The following TFAP2B variants were observed in gnomAD, a reference collection of about 807,000 sequenced individuals.
TFAP2B encodes transcription factor AP-2 beta.
In TFAP2B, 9 loss-of-function variants were observed where a neutral mutation model predicts 44.3. That is an observed-to-expected ratio of 0.20 (90% confidence interval 0.12 to 0.35). TFAP2B has a LOEUF of 0.35. Among genes scored for constraint, TFAP2B ranks in the 10% least tolerant of loss-of-function variants. The pLI, the probability that TFAP2B is intolerant of heterozygous loss-of-function variation, is 1.00. For missense variants in TFAP2B, 509 were observed against 600.0 expected (o/e 0.85, Z 1.59); for synonymous variants, 270 against 263.8 (o/e 1.02, Z -0.23).
chr6:50,835,913 G>A, intron 3 of TFAP2B, 148 bp from the exon 4 acceptor site: 2 of 762,954 alleles, frequency 2.6e-6, no homozygotes, highest in Non-Finnish European at 4.7e-6. Context: ...CTCTCTGAAC[G>A]CACTGCAGCC....
intron 2 of TFAP2B, among the ~76,000 whole-genome samples, chr6:50,826,801 C>T (rs982297681): frequency 2.0e-5 from 3 of 152,100 alleles, no homozygotes; most frequent in African/African-American, 7.2e-5. Context: ...TAAGCCAACT[C>T]CCCCCAAACA....
At chr6:50,842,032 G>T (rs1440683943) in intron 6 of TFAP2B, among the ~76,000 whole-genome samples, 2 of 152,360 alleles carry the variant, frequency 1.3e-5, no homozygotes, top group East Asian at 1.9e-4. Context: ...TAGGCCAGGT[G>T]TGGCCAGGTA....
intron 4 of TFAP2B, 74 bp downstream of exon 4, chr6:50,836,354 A>C: frequency 7.7e-7 from 1 of 1,294,612 alleles, no homozygotes; most frequent in Non-Finnish European, 1.1e-6. Context: ...TTTATTGGAC[A>C]GTGAGGAGAA....
intron 1 of TFAP2B, chr6:50,821,916 G>T: frequency 3.4e-6 from 1 of 292,008 alleles, no homozygotes; most frequent in Non-Finnish European, 6.4e-6. Flanking sequence ...CAAAAAGACA[G>T]CAAAGAGACA....
At chr6:50,837,954 T>C in intron 4 of TFAP2B, 21 bp from the exon 5 acceptor site, 1 of 1,569,972 alleles carries the variant, frequency 6.4e-7, no homozygotes, top group Non-Finnish European at 8.8e-7. Flanking sequence ...TTAATCAGAA[T>C]GTTAATTCTT....
At chr6:50,835,771 A>G (rs950965876) in intron 3 of TFAP2B, among the ~76,000 whole-genome samples, 1 of 152,202 alleles carries the variant, frequency 6.6e-6, no homozygotes, top group African/African-American at 2.4e-5. Context: ...GGTTCCCAGC[A>G]CAGTCCAAAC....
At position 50,846,404 on chromosome 6, in the gene TFAP2B, A is replaced by G. The variant is rs1366074708; in HGVS notation, c.*3012A>G. On this transcript the variant is annotated 3_prime_UTR_variant, in exon 7 of 7. Coordinates refer to ENST00000393655, the MANE Select transcript of TFAP2B (RefSeq NM_003221.4). Reference sequence around the variant, plus strand: ...AATAGTTTGCCTTTTAAGTCAAGGGAGACGTTTAAGGCAAGCCCCTTTGAG... The same window carrying G: ...AATAGTTTGCCTTTTAAGTCAAGGGGGACGTTTAAGGCAAGCCCCTTTGAG... 1 of 152,648 alleles carries G rather than the reference A, an allele frequency of 6.6e-6. No homozygotes were observed. Among genetic ancestry groups the G allele is most frequent in the Non-Finnish European group, 1.5e-5 (1 of 68,052 alleles). The allele number at this position is 152,648 out of a possible 1,614,324, so 9.5% of individuals were successfully genotyped here.
intron 5 of TFAP2B, among the ~76,000 whole-genome samples, chr6:50,838,474 A>G (rs2817406): frequency 9.2e-5 from 14 of 152,208 alleles, no homozygotes; most frequent in African/African-American, 3.4e-4. Context: ...TCAGTAGTAG[A>G]AAACACATTG....
At chr6:50,821,756 C>G (rs1052960705) in intron 1 of TFAP2B, 9 of 191,356 alleles carry the variant, frequency 4.7e-5, no homozygotes, top group Non-Finnish European at 9.9e-5. Context: ...CTTTAAAGTA[C>G]TCGTGTAATA....
chr6:50,826,566 AGCGCGCGC>A (rs547861744), intron 2 of TFAP2B, among the ~76,000 whole-genome samples: 153 of 144,000 alleles, frequency 1.1e-3, no homozygotes, highest in Non-Finnish European at 1.9e-3. Flanking sequence ...ATTGTGCATG[AGCGCGCGC>A]GCGCGCGCGC....
At chr6:50,838,939 C>T (rs1187110499) in intron 5 of TFAP2B, among the ~76,000 whole-genome samples, 1 of 152,076 alleles carries the variant, frequency 6.6e-6, no homozygotes, top group Non-Finnish European at 1.5e-5. Flanking sequence ...TATGATGCTC[C>T]TGTAGAGAGT....
Position 50,843,152 on chromosome 6 carries a change from C to G in TFAP2B, c.1143C>G (p.Ser381Arg). ...LAQDRTPIGN[S>R]RPSPILEPGI... ...AGGACCGGACACCGATAGGGAACAG[C>G]CGACCCAGCCCCATCCTGGAGCCGG... Residue 381 changes from serine to arginine, a missense_variant, in exon 7 of 7, where the codon AGC becomes AGG. Physicochemically the swap from Ser to Arg is moderately radical, Grantham distance 110. Coordinates refer to ENST00000393655, the MANE Select transcript of TFAP2B (RefSeq NM_003221.4). 1.2e-6 allele frequency: 2 copies of G among 1,614,238 alleles called. No homozygotes were observed. Among genetic ancestry groups the G allele is most frequent in the Non-Finnish European group, 1.7e-6 (2 of 1,180,042 alleles).
At chr6:50,831,563 G>T (rs1441368720) in intron 3 of TFAP2B, among the ~76,000 whole-genome samples, 2 of 152,118 alleles carry the variant, frequency 1.3e-5, no homozygotes, top group African/African-American at 4.8e-5. Flanking sequence ...AATCAATAAA[G>T]TAATAATGAG....
Position 50,836,417 on chromosome 6 carries a change from G to T in TFAP2B, c.821+137G>T, listed in dbSNP as rs559209659. ...TGACGCAGTTGCCTAGCAACCGGGT[G>T]GCCGGAGCATTGCTTTCGCGCAGCG... On this transcript the variant is annotated intron_variant, in intron 4 of 6. Transcript: ENST00000393655. The T allele has an allele frequency of 6.3e-5, 52 of 822,492 alleles. No individual in the cohort carries two copies. In the South Asian group the frequency reaches 7.7e-4, roughly 12 times the overall value. The allele number at this position is 822,492 out of a possible 1,614,324, so 50.9% of individuals were successfully genotyped here. A position where few individuals can be genotyped will look rare whatever the true frequency, so the allele number is the denominator to read the frequency against.
rs1007698859 is a variant in TFAP2B at position 50,832,436 on chromosome 6, AT to A, written c.602-3618del. ...TATCCCTGCTTTATTTGTGGAAATT[AT>A]TTTTTTCCCCACAATTTCAGTCCCC... On this transcript the variant is annotated intron_variant, in intron 3 of 6. Transcript: ENST00000393655. 5.9e-5 allele frequency among the ~76,000 whole-genome samples: 9 copies of A among 152,044 alleles called. 1 individual carries two copies. Among genetic ancestry groups the A allele is most frequent in the African/African-American group, 9.7e-5 (4 of 41,376 alleles).
At chr6:50,841,019 G>T (rs72890698) in intron 6 of TFAP2B, among the ~76,000 whole-genome samples, 9,567 of 152,312 alleles carry the variant, frequency 0.063, 404 homozygotes, top group Non-Finnish European at 0.1. Context: ...GACGCGGTTT[G>T]TCCCGTTGAC....
rs141129222 is a variant in TFAP2B, at chr6:50,836,129, G to A, written c.670G>A (p.Val224Ile). 2.0e-4 allele frequency: 318 copies of A among 1,614,124 alleles called. 2 individuals carry two copies. Among genetic ancestry groups the A allele is most frequent in the Middle Eastern group, 1.3e-3 (8 of 6,060 alleles). Residue 224 changes from valine to isoleucine, a missense_variant, in exon 4 of 7, where the codon GTC (valine) becomes ATC (isoleucine). Physicochemically the swap from Val to Ile is conservative, Grantham distance 29. Around this residue, in one of 3 missense-constraint regions of TFAP2B, gnomAD observed 296 missense variants for 308.2 expected, o/e 0.96. Coordinates refer to ENST00000393655, the MANE Select transcript of TFAP2B (RefSeq NM_003221.4). ...NKDGFLGGMS[V>I]NTGEVFCSVP... ...AGACGGCTTCCTGGGAGGCATGTCT[G>A]TCAACACCGGCGAGGTGTTTTGCTC...
chr6:50,819,863 CGAGGTGGGAGAGGCGGCCGAGGCGGG>C (rs1770283466), intron 1 of TFAP2B, among the ~76,000 whole-genome samples: 1 of 150,940 alleles, frequency 6.6e-6, no homozygotes, highest in South Asian at 2.1e-4. Context: ...GAGAGGCGGG[CGAGGTGGGAGAGGCGGCCGAGGCGGG>C]CGAGGCGCGG....
At chr6:50,818,817 C>A, upstream of TFAP2B, 1 of 1,375,490 alleles carries the variant, frequency 7.3e-7, no homozygotes, top group Non-Finnish European at 1.0e-6. Flanking sequence ...TGGTGTGTAT[C>A]CCCCATTTCC....
Sources: gnomAD v4.1 joint callset for allele counts (sites outside exome capture counted in the v4.1 genomes callset) on GRCh38, gnomAD v4.1.1 for gene constraint, gnomAD v4.1.1 regional missense constraint, MANE v1.5 for transcripts, NCBI Gene and HGNC (gene_info 2026-07-23, HGNC 2026-07-21) for gene names.